Variants in CCSER1 observed in about 807,000 individuals in gnomAD.
The protein encoded by CCSER1 is coiled-coil serine rich protein 1.
Under a neutral mutation model 82.0 loss-of-function variants are expected in CCSER1, and 41 were observed. The observed-to-expected ratio is 0.50, with a 90% CI of 0.39 to 0.65. The LOEUF is 0.65. CCSER1 is among the 30% of genes least tolerant of loss of function. The probability of loss-of-function intolerance (pLI) is 0.00; values close to 1 mark genes in which losing one functional copy is unlikely to be tolerated. For missense variants in CCSER1, 1,119 were observed against 1,064.2 expected, an observed-to-expected ratio of 1.05 and a Z score of -0.72; for synonymous variants, 414 against 383.9, an observed-to-expected ratio of 1.08 and a Z score of -0.92.
chr4:90,833,413 A>C (rs1373142563), intron 8 of CCSER1, among the ~76,000 whole-genome samples: 1 of 152,192 alleles, frequency 6.6e-6, no homozygotes, highest in African/African-American at 2.4e-5. Context: ...AAACCATAGC[A>C]GGGCTACTTC....
At chr4:90,395,568 CT>C (rs1751827958) in intron 3 of CCSER1, among the ~76,000 whole-genome samples, 1 of 151,632 alleles carries the variant, frequency 6.6e-6, no homozygotes, top group Admixed American at 6.6e-5. Flanking sequence ...TTGGAATTTG[CT>C]GTATATTCAG....
chr4:90,459,479 A>G (rs1343993337), intron 4 of CCSER1, among the ~76,000 whole-genome samples: 1 of 152,182 alleles, frequency 6.6e-6, no homozygotes, highest in Non-Finnish European at 1.5e-5. Flanking sequence ...TAAACAACAA[A>G]CATTTATTAT....
chr4:90,916,708 C>T (rs1212586434), intron 8 of CCSER1, among the ~76,000 whole-genome samples: 1 of 152,048 alleles, frequency 6.6e-6, no homozygotes, highest in African/African-American at 2.4e-5. Flanking sequence ...AAAGCAAATA[C>T]CATCAGAGTG....
chr4:91,159,826 C>G (rs1481186506), intron 10 of CCSER1, among the ~76,000 whole-genome samples: 4 of 151,752 alleles, frequency 2.6e-5, no homozygotes, highest in African/African-American at 9.7e-5. Flanking sequence ...GATACCTAAT[C>G]AAATTCTAAG....
intron 10 of CCSER1, among the ~76,000 whole-genome samples, chr4:91,464,966 G>C (rs957620027): frequency 2.0e-5 from 3 of 152,092 alleles, no homozygotes; most frequent in Admixed American, 1.3e-4. Flanking sequence ...AGTGAACAAG[G>C]ATATCCAGGA....
intron 1 of CCSER1, among the ~76,000 whole-genome samples, chr4:90,291,187 T>C (rs1730876210): frequency 6.6e-6 from 1 of 152,050 alleles, no homozygotes; most frequent in South Asian, 2.1e-4. Context: ...TTTTATTTGA[T>C]TGGATTAGAT....
At chr4:90,229,302 TG>T (rs1395010538) in intron 1 of CCSER1, among the ~76,000 whole-genome samples, 2 of 151,400 alleles carry the variant, frequency 1.3e-5, no homozygotes, top group Admixed American at 1.3e-4. Context: ...CAGAAGAGAG[TG>T]GGGGCCAATA....
intron 5 of CCSER1, among the ~76,000 whole-genome samples, chr4:90,485,530 C>G (rs959812134): frequency 1.4e-5 from 2 of 146,118 alleles, no homozygotes; most frequent in Non-Finnish European, 3.0e-5. Flanking sequence ...CCCCCCCCCC[C>G]AATTTAACTT....
intron 10 of CCSER1, among the ~76,000 whole-genome samples, chr4:91,288,707 G>A (rs147996228): frequency 6.6e-6 from 1 of 152,060 alleles, no homozygotes; most frequent in Non-Finnish European, 1.5e-5. Context: ...GCAGGGGAAA[G>A]AGCAACAACA....
At chr4:90,812,921 C>T (rs1446284602) in intron 7 of CCSER1, among the ~76,000 whole-genome samples, 4 of 152,164 alleles carry the variant, frequency 2.6e-5, no homozygotes, top group African/African-American at 9.7e-5. Context: ...TCCTGTGACA[C>T]ATGGGAATTA....
chr4:91,373,353 C>G (rs1228652268), intron 10 of CCSER1, among the ~76,000 whole-genome samples: 1 of 152,092 alleles, frequency 6.6e-6, no homozygotes, highest in Non-Finnish European at 1.5e-5. Flanking sequence ...TCTGTTAGCA[C>G]CATTTTCCAA....
At chr4:90,138,712 A>G (rs1331336172) in intron 1 of CCSER1, among the ~76,000 whole-genome samples, 1 of 150,518 alleles carries the variant, frequency 6.6e-6, no homozygotes, top group South Asian at 2.1e-4. Flanking sequence ...TTTTTTTTTT[A>G]ATTATTTTAC....
intron 8 of CCSER1, among the ~76,000 whole-genome samples, chr4:90,863,171 T>A (rs984147264): frequency 4.0e-5 from 6 of 151,608 alleles, no homozygotes; most frequent in Admixed American, 6.6e-5. Context: ...TTCCCATCTA[T>A]GAGTGAGAAC....
chr4:91,492,325 A>G (rs1213650645), intron 10 of CCSER1, among the ~76,000 whole-genome samples: 1 of 152,104 alleles, frequency 6.6e-6, no homozygotes, highest in African/African-American at 2.4e-5. Flanking sequence ...GAAAAGCCCA[A>G]AAGGGAGTTG....
In CCSER1 at chr4:90,309,218, G is replaced by A. The variant is rs567774041; in HGVS notation, c.934G>A (p.Gly312Arg). ...AVTKTTTELT[G>R]TVPCAIMSPG... is the part of the protein sequence containing the mutation. ...TACAAAGACAACAACAGAACTTACGGGAACTGTTCCCTGTGCAATTATGTC... is the reference window on the plus strand; with the variant it reads ...TACAAAGACAACAACAGAACTTACGAGAACTGTTCCCTGTGCAATTATGTC... Residue 312 changes from glycine (G) to arginine (R), a missense_variant, in exon 2 of 11, where the codon GGA (glycine) becomes AGA (arginine). Coordinates refer to ENST00000509176, the MANE Select transcript of CCSER1 (RefSeq NM_001145065.2). 70 of 1,613,864 alleles carry A rather than the reference G, an allele frequency of 4.3e-5. No individual in the cohort carries two copies. The African/African-American group carries it at 6.1e-4, about 14-fold the overall frequency.
At chr4:90,579,963 C>A (rs542621272) in intron 5 of CCSER1, among the ~76,000 whole-genome samples, 118 of 151,726 alleles carry the variant, frequency 7.8e-4, no homozygotes, top group Admixed American at 2.8e-3. Context: ...GGAGCAAAAT[C>A]CATACTTAAT....
At chr4:90,240,843 G>T (rs573751068) in intron 1 of CCSER1, among the ~76,000 whole-genome samples, 1 of 152,122 alleles carries the variant, frequency 6.6e-6, no homozygotes, top group Non-Finnish European at 1.5e-5. Context: ...TCTTAGGCCT[G>T]TGCTTATTTT....
At chr4:91,163,076 T>A (rs547872564) in intron 10 of CCSER1, among the ~76,000 whole-genome samples, 1 of 152,366 alleles carries the variant, frequency 6.6e-6, no homozygotes, top group South Asian at 2.1e-4. Context: ...TTTAGTGCTA[T>A]AAATTTCCCT....
Position 90,835,207 on chromosome 4 carries a change from T to C in CCSER1, c.2094+19362T>C, listed in dbSNP as rs569953988. The stretch of plus-strand genomic sequence containing the variant: ...TTAGCCGGGCGTGGTGGTGGACGCC[T>C]GTAGTCCCAGCTACTCAGGAGGCTG... On this transcript the variant is annotated intron_variant, in intron 8 of 10. Transcript: ENST00000509176. Among the ~76,000 whole-genome samples the C allele has an allele frequency of 6.4e-4, 98 of 152,186 alleles. 2 individuals carry two copies. Among genetic ancestry groups the C allele is most frequent in the African/African-American group, 2.2e-3 (90 of 41,528 alleles).
Sources: allele counts gnomAD v4.1 joint callset (sites outside exome capture counted in the v4.1 genomes callset), GRCh38; gene constraint gnomAD v4.1.1; transcripts MANE v1.5; gene names NCBI Gene and HGNC (gene_info 2026-07-23, HGNC 2026-07-21).